Variants in HK1 observed in about 807,000 individuals in gnomAD.
HK1 encodes the protein hexokinase-1.
HK1 carries 28 observed loss-of-function variants against 91.6 expected under a neutral mutation model. The ratio of observed to expected loss-of-function variants is 0.31; its 90% confidence interval spans 0.23 to 0.42. HK1 has a LOEUF of 0.42. HK1 is among the 10% of genes least tolerant of loss of function. HK1 has a pLI of 1.00. For missense variants in HK1, 770 were observed against 1,219.8 expected (o/e 0.63, Z 5.49); for synonymous variants, 430 against 468.1 (o/e 0.92, Z 1.05).
At chr10:69,355,068 C>CA (rs775908068) in intron 2 of HK1, among the ~76,000 whole-genome samples, 25,157 of 84,820 alleles carry the variant, frequency 0.3, 4,387 homozygotes, top group Non-Finnish European at 0.43. Context: ...GACTCCCTCT[C>CA]AAAAAAAAAA....
chr10:69,281,916 A>G (rs893547402), intron 1 of HK1, among the ~76,000 whole-genome samples: 6 of 152,142 alleles, frequency 3.9e-5, no homozygotes, highest in Non-Finnish European at 7.4e-5. Context: ...TGCCTGCTCT[A>G]TTTTGGCCAC....
chr10:69,394,319 C>T (rs900584352), intron 15 of HK1, among the ~76,000 whole-genome samples: 12 of 152,376 alleles, frequency 7.9e-5, no homozygotes, highest in African/African-American at 2.9e-4. Context: ...CTGCTGTGGG[C>T]TTGACCAGTA....
At chr10:69,294,114 G>A (rs899615305) in intron 3 of HK1, among the ~76,000 whole-genome samples, 3 of 152,044 alleles carry the variant, frequency 2.0e-5, no homozygotes, top group Non-Finnish European at 4.4e-5. Flanking sequence ...ACCCGCCTCG[G>A]CCTCCCAAAG....
At chr10:69,338,143 C>G in intron 1 of HK1, 1 of 702,792 alleles carries the variant, frequency 1.4e-6, no homozygotes, top group Non-Finnish European at 1.8e-6. Flanking sequence ...CTGAGAGCTT[C>G]AAGGCCCCCT....
intron 3 of HK1, among the ~76,000 whole-genome samples, chr10:69,294,368 A>G (rs1362146045): frequency 1.3e-5 from 2 of 152,196 alleles, no homozygotes; most frequent in Non-Finnish European, 2.9e-5. Context: ...AAAAATTCAT[A>G]TGAGCTTTTC....
chr10:69,334,639 C>T (rs1340477725), intron 1 of HK1, among the ~76,000 whole-genome samples: 1 of 152,182 alleles, frequency 6.6e-6, no homozygotes, highest in Non-Finnish European at 1.5e-5. Flanking sequence ...CCGCCCAGCA[C>T]AGGAGCCACC....
At chr10:69,363,464 G>A (rs998137595) in intron 3 of HK1, among the ~76,000 whole-genome samples, 1 of 152,088 alleles carries the variant, frequency 6.6e-6, no homozygotes. Context: ...CTGTAGCCTC[G>A]ACCTCCTGGG....
intron 2 of HK1, among the ~76,000 whole-genome samples, chr10:69,350,083 T>C (rs1848769112): frequency 6.6e-6 from 1 of 152,142 alleles, no homozygotes; most frequent in South Asian, 2.1e-4. Context: ...GCCAGCGATC[T>C]CTGTGCAAAG....
rs200393176 is a variant in HK1, at chr10:69,394,373, CT to C, written c.2220-569del. 6.6e-5 allele frequency among the ~76,000 whole-genome samples: 10 copies of C among 152,118 alleles called. No homozygotes were observed. In the South Asian group the frequency reaches 2.1e-3, roughly 32 times the overall value. On this transcript the variant is annotated intron_variant, in intron 15 of 17. Transcript: ENST00000359426. Reference sequence around the variant, plus strand: ...CCTTTAGAAAAATCTAGAAACTTTCCTTTTTTTTGTCTTCTTGTTCCTTTAA... The same window carrying C: ...CCTTTAGAAAAATCTAGAAACTTTCCTTTTTTTGTCTTCTTGTTCCTTTAA...
In HK1 at chr10:69,276,118, A is replaced by ATATAT. The variant is rs1426672139; in HGVS notation, c.-391+6010_-391+6011insTATAT. Among the ~76,000 whole-genome samples the ATATAT allele has an allele frequency of 2.1e-4, 8 of 38,270 alleles. No homozygotes were observed. In the South Asian group the frequency reaches 4.7e-3, roughly 22 times the overall value. The allele number at this position is 38,270 out of a possible 152,430, so 25.1% of individuals were successfully genotyped here. The stretch of plus-strand genomic sequence containing the variant: ...AAAAAAAAAAAAAAAAAAAAAAAAA[A>ATATAT]ATACATATATATATATATATACACA... On this transcript the variant is annotated intron_variant, in intron 1 of 21. Coordinates refer to the HK1 transcript ENST00000360289.
intron 1 of HK1, among the ~76,000 whole-genome samples, chr10:69,281,211 C>T (rs1374020213): frequency 6.6e-6 from 1 of 152,158 alleles, no homozygotes; most frequent in East Asian, 1.9e-4. Context: ...TTCATGGTTC[C>T]ACCCCAATGT....
chr10:69,383,034 C>A (rs57767669), intron 10 of HK1, among the ~76,000 whole-genome samples: 1 of 152,166 alleles, frequency 6.6e-6, no homozygotes, highest in African/African-American at 2.4e-5. Flanking sequence ...AAAACCACAG[C>A]CCTGCTCAGA....
chr10:69,321,600 C>T (rs960982538), intron 1 of HK1, among the ~76,000 whole-genome samples: 6 of 152,168 alleles, frequency 3.9e-5, no homozygotes, highest in African/African-American at 1.4e-4. Flanking sequence ...TATCTTCTTG[C>T]CCTCAGAGCC....
chr10:69,367,536 T>C (rs1171298121), intron 4 of HK1, among the ~76,000 whole-genome samples: 1 of 152,164 alleles, frequency 6.6e-6, no homozygotes, highest in Non-Finnish European at 1.5e-5. Flanking sequence ...AGGCAGATAG[T>C]GTCCAGGGCT....
At chr10:69,392,030 C>G (rs138742733) in intron 14 of HK1, 95 bp from the exon 15 acceptor site, 1 of 1,226,070 alleles carries the variant, frequency 8.2e-7, no homozygotes. Context: ...AACGTGCCCC[C>G]TGCCTGTGGA....
chr10:69,298,050 A>G (rs1007668261), intron 4 of HK1, among the ~76,000 whole-genome samples: 1 of 151,166 alleles, frequency 6.6e-6, no homozygotes, highest in Admixed American at 6.6e-5. Context: ...GTCTCTACTA[A>G]AAATACAAAA....
chr10:69,364,510 A>G (rs1849595991), intron 3 of HK1, among the ~76,000 whole-genome samples: 1 of 152,072 alleles, frequency 6.6e-6, no homozygotes, highest in Non-Finnish European at 1.5e-5. Context: ...GATGTTGCAT[A>G]TTAGTGACCA....
At chr10:69,364,960 A>G in intron 4 of HK1, 58 bp downstream of exon 4, 5 of 1,603,850 alleles carry the variant, frequency 3.1e-6, no homozygotes, top group Non-Finnish European at 4.3e-6. Context: ...AAAAGCTAAC[A>G]AGCCCTTTTC....
chr10:69,361,463 C>G (rs1465093562), intron 3 of HK1, among the ~76,000 whole-genome samples: 1 of 152,268 alleles, frequency 6.6e-6, no homozygotes, highest in Non-Finnish European at 1.5e-5. Flanking sequence ...GGAACACACA[C>G]TGGCCTATCA....
Sources: gnomAD v4.1 joint callset for allele counts (sites outside exome capture counted in the v4.1 genomes callset) on GRCh38, gnomAD v4.1.1 for gene constraint, MANE v1.5 for transcripts, NCBI Gene and HGNC (gene_info 2026-07-23, HGNC 2026-07-21) for gene names.